The following LMNTD1 variants were observed in gnomAD, a reference collection of about 807,000 sequenced individuals.
The protein encoded by LMNTD1 is lamin tail domain containing 1.
LMNTD1 carries 35 observed loss-of-function variants against 50.9 expected under a neutral mutation model. That is an observed-to-expected ratio of 0.69 (90% CI 0.53 to 0.91). The LOEUF (loss-of-function observed/expected upper bound fraction) is 0.91, where lower values mean the gene tolerates loss of function less well. Ranked by LOEUF, LMNTD1 falls within the 40% of genes least tolerant of loss-of-function variation. The pLI, the probability that LMNTD1 is intolerant of heterozygous loss-of-function variation, is 0.00. For synonymous variants in LMNTD1, 153 were observed against 161.9 expected (o/e 0.94, Z 0.42); for missense variants, 470 against 475.5 (o/e 0.99, Z 0.11).
At chr12:25,565,182 A>C (rs979787945) in intron 1 of LMNTD1, among the ~76,000 whole-genome samples, 1 of 151,330 alleles carries the variant, frequency 6.6e-6, no homozygotes, top group Non-Finnish European at 1.5e-5. Context: ...GTCCATTTGC[A>C]TTCAATATTA....
At chr12:25,634,616 G>C (rs896729278) in intron 1 of LMNTD1, among the ~76,000 whole-genome samples, 1 of 151,522 alleles carries the variant, frequency 6.6e-6, no homozygotes, top group Non-Finnish European at 1.5e-5. Flanking sequence ...AAAAGCATTC[G>C]ACAAAACTCT....
chr12:25,488,102 TTG>T (rs1295152345), intron 9 of LMNTD1, among the ~76,000 whole-genome samples: 3 of 148,234 alleles, frequency 2.0e-5, no homozygotes, highest in Non-Finnish European at 4.5e-5. Flanking sequence ...AATCTGACAA[TTG>T]TGTGTCTTGG....
At chr12:25,495,178 TTATCA>T (rs1016917099) in intron 9 of LMNTD1, among the ~76,000 whole-genome samples, 1 of 151,814 alleles carries the variant, frequency 6.6e-6, no homozygotes, top group Non-Finnish European at 1.5e-5. Context: ...ATCAAAAACA[TTATCA>T]TAGGACCAGT....
chr12:25,611,662 C>A (rs1946246907), intron 1 of LMNTD1, among the ~76,000 whole-genome samples: 1 of 152,194 alleles, frequency 6.6e-6, no homozygotes, highest in Admixed American at 6.5e-5. Context: ...AGGATTGACT[C>A]CCTTTCTCTT....
intron 6 of LMNTD1, among the ~76,000 whole-genome samples, chr12:25,521,358 C>T (rs1414375821): frequency 2.6e-5 from 4 of 152,172 alleles, no homozygotes; most frequent in East Asian, 1.9e-4. Context: ...TCAGGTCTTA[C>T]GTTTAGGTCT....
At chr12:25,632,038 T>A (rs1458288260) in intron 1 of LMNTD1, among the ~76,000 whole-genome samples, 1 of 151,966 alleles carries the variant, frequency 6.6e-6, no homozygotes, top group East Asian at 1.9e-4. Flanking sequence ...ATTGAACAAG[T>A]AAAAGAAAGA....
intron 1 of LMNTD1, among the ~76,000 whole-genome samples, chr12:25,645,000 G>A (rs540398559): frequency 6.6e-6 from 1 of 152,234 alleles, no homozygotes; most frequent in South Asian, 2.1e-4. Flanking sequence ...TTGGGAGAGA[G>A]GAAATGTGAA....
At chr12:25,559,734 C>T (rs1047605753) in intron 1 of LMNTD1, among the ~76,000 whole-genome samples, 36 of 152,262 alleles carry the variant, frequency 2.4e-4, no homozygotes, top group African/African-American at 7.2e-4. Flanking sequence ...TAATGATCGC[C>T]ATTCTAACTG....
rs116204862 is a variant in LMNTD1 at position 25,579,629 on chromosome 12, C to T, written c.59-33075G>A. Among the ~76,000 whole-genome samples, 318 of 152,262 alleles carry T rather than the reference C, an allele frequency of 2.1e-3. 2 individuals carry two copies. Among genetic ancestry groups the T allele is most frequent in the African/African-American group, 7.4e-3 (307 of 41,540 alleles). On this transcript the variant is annotated intron_variant, in intron 1 of 7. Transcript: ENST00000445693. ...CTATGCCCCAAACCAAGCTTATTAT[C>T]TTGCTCAATTTCCAAACATCCTGGA...
chr12:25,639,669 G>T (rs1435634911), intron 1 of LMNTD1, among the ~76,000 whole-genome samples: 1 of 152,196 alleles, frequency 6.6e-6, no homozygotes, highest in Admixed American at 6.5e-5. Flanking sequence ...TGTTTAGTAT[G>T]TGAACAAATG....
intron 1 of LMNTD1, among the ~76,000 whole-genome samples, chr12:25,640,437 T>C (rs1376888969): frequency 4.7e-5 from 7 of 149,806 alleles, no homozygotes; most frequent in Non-Finnish European, 7.4e-5. Flanking sequence ...GCCCAGGAGG[T>C]GGAGGTTGCA....
At chr12:25,619,252 C>CTCTCTCTCTA (rs1374134268) in intron 1 of LMNTD1, among the ~76,000 whole-genome samples, 42 of 84,434 alleles carry the variant, frequency 5.0e-4, no homozygotes, top group East Asian at 2.9e-3. Flanking sequence ...CTCTCTCTCT[C>CTCTCTCTCTA]TATATATATA....
intron 1 of LMNTD1, chr12:25,582,392 C>T (rs966869129): frequency 2.6e-5 from 4 of 152,136 alleles, no homozygotes; most frequent in Admixed American, 2.6e-4. Context: ...ACCTGTTAAT[C>T]GGTAAATTGC....
Position 25,612,326 on chromosome 12 carries a change from A to ACGCGCG in LMNTD1, c.58+36167_58+36168insCGCGCG, listed in dbSNP as rs138267691. Among the ~76,000 whole-genome samples the ACGCGCG allele has an allele frequency of 4.4e-4, 46 of 104,684 alleles. No individual in the cohort carries two copies. The East Asian group carries it at 6.7e-3, about 15-fold the overall frequency. 68.7% of individuals were successfully genotyped at this position (104,684 alleles called of 152,430 possible). A position where few individuals can be genotyped will look rare whatever the true frequency, so the allele number is the denominator to read the frequency against. ...CACACACACACACACACACACACAC[A>ACGCGCG]CACGCGCTCCCACTGTCAACAACAC... On this transcript the variant is annotated intron_variant, in intron 1 of 7. Transcript: ENST00000445693.
At position 25,627,611 on chromosome 12, in the gene LMNTD1, T is replaced by G. The variant is rs144418021; in HGVS notation, c.58+20883A>C. ...GTCACACACAGTTAATTCACCTAAA[T>G]TTTCCAGGTTCCTTCTGAACGTGTG... On this transcript the variant is annotated intron_variant, in intron 1 of 7. Coordinates refer to the LMNTD1 transcript ENST00000445693. 5.8e-3 allele frequency among the ~76,000 whole-genome samples: 877 copies of G among 151,596 alleles called. 12 individuals are homozygous for G. The highest frequency in any genetic ancestry group is 0.044 in the South Asian group (212 of 4,784).
At chr12:25,618,766 A>G (rs1345534168) in intron 1 of LMNTD1, among the ~76,000 whole-genome samples, 1 of 152,198 alleles carries the variant, frequency 6.6e-6, no homozygotes, top group East Asian at 1.9e-4. Context: ...CAACTGCTAA[A>G]ATGATCTAAT....
At chr12:25,550,686 C>T (rs1284749901) in intron 2 of LMNTD1, among the ~76,000 whole-genome samples, 1 of 152,134 alleles carries the variant, frequency 6.6e-6, no homozygotes, top group African/African-American at 2.4e-5. Flanking sequence ...TCCTACTCTG[C>T]CATCTTGCTG....
At chr12:25,633,699 C>T (rs78783759) in intron 1 of LMNTD1, among the ~76,000 whole-genome samples, 8,134 of 152,106 alleles carry the variant, frequency 0.053, 320 homozygotes, top group East Asian at 0.13. Flanking sequence ...AAGTTCATAG[C>T]CCTAAACACC....
intron 1 of LMNTD1, among the ~76,000 whole-genome samples, chr12:25,623,825 T>A (rs1946528895): frequency 6.6e-6 from 1 of 152,090 alleles, no homozygotes. Flanking sequence ...CAGACCCTCT[T>A]ATATCACCTG....
Sources: gnomAD v4.1 joint callset for allele counts (sites outside exome capture counted in the v4.1 genomes callset) on GRCh38, gnomAD v4.1.1 for gene constraint, MANE v1.5 for transcripts, NCBI Gene and HGNC (gene_info 2026-07-23, HGNC 2026-07-21) for gene names.